Variants in EXTL3 observed in about 807,000 individuals in gnomAD.
The protein encoded by EXTL3 is exostosin like glycosyltransferase 3.
Under a neutral mutation model 69.3 loss-of-function variants are expected in EXTL3, and 27 were observed. That is an observed-to-expected ratio of 0.39 (90% CI 0.29 to 0.54). The LOEUF (loss-of-function observed/expected upper bound fraction) is 0.54, where lower values mean the gene tolerates loss of function less well. Among genes scored for constraint, EXTL3 ranks in the 20% least tolerant of loss-of-function variants. EXTL3 has a pLI of 0.69. For synonymous variants in EXTL3, 511 were observed against 499.4 expected, an observed-to-expected ratio of 1.02 and a Z score of -0.31; for missense variants, 1,003 against 1,231.8, an observed-to-expected ratio of 0.81 and a Z score of 2.78.
At chr8:28,708,001 G>A (rs1800957557) in intron 1 of EXTL3, among the ~76,000 whole-genome samples, 1 of 152,170 alleles carries the variant, frequency 6.6e-6, no homozygotes, top group Middle Eastern at 3.2e-3. Flanking sequence ...ATTCAGCAGC[G>A]GAAGGAATGC....
At chr8:28,696,006 C>T (rs1800680652) in intron 1 of EXTL3, among the ~76,000 whole-genome samples, 1 of 152,078 alleles carries the variant, frequency 6.6e-6, no homozygotes, top group African/African-American at 2.4e-5. Context: ...CAGCCTCAAC[C>T]TCCTGGCTCA....
chr8:28,676,787 A>C (rs1196290226), intron 1 of EXTL3, among the ~76,000 whole-genome samples: 1 of 152,178 alleles, frequency 6.6e-6, no homozygotes, highest in Non-Finnish European at 1.5e-5. Flanking sequence ...CAGGAAGTAG[A>C]GGCAGTGCTT....
At chr8:28,747,681 A>C (rs900439460) in intron 6 of EXTL3, among the ~76,000 whole-genome samples, 1 of 151,224 alleles carries the variant, frequency 6.6e-6, no homozygotes, top group African/African-American at 2.4e-5. Context: ...ACATATATAT[A>C]TACACATATG....
intron 3 of EXTL3, among the ~76,000 whole-genome samples, chr8:28,721,424 C>T (rs1801289915): frequency 6.6e-6 from 1 of 152,192 alleles, no homozygotes; most frequent in African/African-American, 2.4e-5. Context: ...CCTTTACAGG[C>T]CAGAAAGACC....
At chr8:28,705,599 A>G (rs115037213) in intron 1 of EXTL3, among the ~76,000 whole-genome samples, 1,887 of 152,032 alleles carry the variant, frequency 0.012, 41 homozygotes, top group African/African-American at 0.042. Context: ...TGTATGGCTT[A>G]GCAAACTTGC....
At chr8:28,705,280 A>G (rs1269249414) in intron 1 of EXTL3, among the ~76,000 whole-genome samples, 1 of 152,226 alleles carries the variant, frequency 6.6e-6, no homozygotes, top group East Asian at 1.9e-4. Context: ...CGAGTTAACA[A>G]AGGACAAGGA....
intron 1 of EXTL3, among the ~76,000 whole-genome samples, chr8:28,667,589 A>G (rs532870074): frequency 6.6e-6 from 1 of 152,258 alleles, no homozygotes; most frequent in African/African-American, 2.4e-5. Context: ...TGCTTTGGCA[A>G]GCAGAATCAA....
Position 28,752,101 on chromosome 8 carries a change from C to T in EXTL3, c.*1235C>T, listed in dbSNP as rs1802019939. ...AGGACTCCCCGAGGTTTGGTATGTG[C>T]TAGAACAATGGGAGGCTGTGATTTG... On this transcript the variant is annotated 3_prime_UTR_variant, in exon 7 of 7. Transcript: ENST00000220562. 6.6e-6 allele frequency: 1 copy of T among 152,240 alleles called. No homozygotes were observed. Among genetic ancestry groups the T allele is most frequent in the African/African-American group, 2.4e-5 (1 of 41,434 alleles). The allele number at this position is 152,240 out of a possible 1,614,324, so 9.4% of individuals were successfully genotyped here.
At chr8:28,612,243 CAGG>C (rs768870468) in intron 2 of EXTL3, among the ~76,000 whole-genome samples, 5 of 152,128 alleles carry the variant, frequency 3.3e-5, no homozygotes, top group Admixed American at 6.5e-5. Context: ...CACCTGAGGT[CAGG>C]AGTTTAAGAC....
At chr8:28,741,925 G>C (rs1418173234) in intron 5 of EXTL3, 2 of 152,156 alleles carry the variant, frequency 1.3e-5, no homozygotes, top group African/African-American at 4.8e-5. Context: ...ATGTTCATCA[G>C]TTAATCAGTT....
intron 1 of EXTL3, chr8:28,696,113 T>G (rs1355428956): frequency 1.3e-5 from 2 of 152,110 alleles, no homozygotes; most frequent in African/African-American, 4.8e-5. Flanking sequence ...CCCAGGCTGG[T>G]CAAACTCCTG....
At chr8:28,718,581 CAT>C (rs1801219438) in intron 3 of EXTL3, among the ~76,000 whole-genome samples, 2 of 152,190 alleles carry the variant, frequency 1.3e-5, no homozygotes, top group Admixed American at 1.3e-4. Flanking sequence ...CATTTTGTGA[CAT>C]ATTATCGCTG....
At chr8:28,738,119 AT>A (rs1431850143) in intron 5 of EXTL3, among the ~76,000 whole-genome samples, 1 of 152,118 alleles carries the variant, frequency 6.6e-6, no homozygotes, top group Non-Finnish European at 1.5e-5. Context: ...TTTAGTGCTT[AT>A]TACTTTCACT....
At chr8:28,608,179 A>G (rs7839487) in intron 2 of EXTL3, among the ~76,000 whole-genome samples, 18,258 of 151,886 alleles carry the variant, frequency 0.12, 3,119 homozygotes, top group African/African-American at 0.37. Flanking sequence ...ACACACAGAG[A>G]ACTTCCCTTT....
intron 2 of EXTL3, among the ~76,000 whole-genome samples, chr8:28,608,931 A>G (rs1806237841): frequency 6.6e-6 from 1 of 152,136 alleles, no homozygotes. Context: ...GAAAATTATC[A>G]AACAGCAATA....
At chr8:28,659,630 T>G (rs1158234628) in intron 1 of EXTL3, among the ~76,000 whole-genome samples, 1 of 152,172 alleles carries the variant, frequency 6.6e-6, no homozygotes, top group Non-Finnish European at 1.5e-5. Context: ...GTTTCCCAGA[T>G]GCAACCCCAG....
At chr8:28,620,418 G>T (rs1338480039), upstream of EXTL3, among the ~76,000 whole-genome samples, 2 of 152,152 alleles carry the variant, frequency 1.3e-5, no homozygotes. Flanking sequence ...TCTTCAGCAG[G>T]ATGGATTGTG....
intron 1 of EXTL3, among the ~76,000 whole-genome samples, chr8:28,635,392 T>TAAA (rs372980960): frequency 1.7e-5 from 2 of 114,436 alleles, no homozygotes; most frequent in South Asian, 2.9e-4. Context: ...ACTGGTCTCT[T>TAAA]AAAAAAAAAA....
At chr8:28,654,656 T>C (rs1460089026) in intron 1 of EXTL3, among the ~76,000 whole-genome samples, 1 of 152,230 alleles carries the variant, frequency 6.6e-6, no homozygotes, top group Non-Finnish European at 1.5e-5. Flanking sequence ...TATTGTAATA[T>C]CATCTCTAAT....
Sources: allele counts gnomAD v4.1 joint callset (sites outside exome capture counted in the v4.1 genomes callset), GRCh38; gene constraint gnomAD v4.1.1; transcripts MANE v1.5; gene names NCBI Gene and HGNC (gene_info 2026-07-23, HGNC 2026-07-21).